AKAP19: variants seen among roughly 807,000 people sequenced by gnomAD.
The protein encoded by AKAP19 is A-kinase anchoring protein 19.
At chr2:190,048,443 A>G in the AKAP19 span, among the ~76,000 whole-genome samples, 1 of 152,182 alleles carries the variant, frequency 6.6e-6, no homozygotes, top group Non-Finnish European at 1.5e-5. Context: ...ATGTATATCC[A>G]ATCACTACTC....
the AKAP19 span, among the ~76,000 whole-genome samples, chr2:190,096,011 G>C: frequency 3.3e-5 from 5 of 152,214 alleles, no homozygotes; most frequent in Non-Finnish European, 7.3e-5. Flanking sequence ...GACCTCGGTG[G>C]TGTGGGTGGC....
chr2:190,059,892 G>T, the AKAP19 span, among the ~76,000 whole-genome samples: 1 of 151,884 alleles, frequency 6.6e-6, no homozygotes. Context: ...TGTTTCATAG[G>T]ATATGAAATT....
chr2:189,917,531 A>T, the AKAP19 span: 3 of 584,156 alleles, frequency 5.1e-6, no homozygotes, highest in Admixed American at 2.7e-5. Context: ...TCTTTTTTGC[A>T]CTTTGAAGAG....
At chr2:189,895,643 G>T in the AKAP19 span, among the ~76,000 whole-genome samples, 1 of 152,054 alleles carries the variant, frequency 6.6e-6, no homozygotes, top group African/African-American at 2.4e-5. Flanking sequence ...AAGCATCATG[G>T]GAAATAGGAT....
the AKAP19 span, among the ~76,000 whole-genome samples, chr2:189,945,961 C>T: frequency 6.6e-6 from 1 of 152,152 alleles, no homozygotes; most frequent in Non-Finnish European, 1.5e-5. Context: ...ATAGTTGCTA[C>T]TTGACACTTT....
At chr2:190,158,046 T>C in the AKAP19 span, among the ~76,000 whole-genome samples, 2 of 152,228 alleles carry the variant, frequency 1.3e-5, no homozygotes, top group Non-Finnish European at 2.9e-5. Context: ...TTCCAGGTAT[T>C]GTATAGAAGA....
chr2:190,040,426 C>CAG, the AKAP19 span, among the ~76,000 whole-genome samples: 1 of 152,128 alleles, frequency 6.6e-6, no homozygotes, highest in Non-Finnish European at 1.5e-5. Context: ...AGACTTTTGT[C>CAG]AGAAGCAGAG....
At chr2:190,164,499 C>T in the AKAP19 span, among the ~76,000 whole-genome samples, 1 of 152,098 alleles carries the variant, frequency 6.6e-6, no homozygotes, top group African/African-American at 2.4e-5. Context: ...CACTGTACTC[C>T]AGCCTGGGCA....
At chr2:189,913,083 T>C in the AKAP19 span, among the ~76,000 whole-genome samples, 1 of 152,162 alleles carries the variant, frequency 6.6e-6, no homozygotes, top group Admixed American at 6.5e-5. Context: ...CTTTACATGT[T>C]TTTCCTCATG....
At chr2:189,881,056 T>C in the AKAP19 span, among the ~76,000 whole-genome samples, 1 of 152,304 alleles carries the variant, frequency 6.6e-6, no homozygotes, top group Admixed American at 6.5e-5. Context: ...TCTAGTGCTC[T>C]ACTAGTTCCA....
At chr2:190,136,510 T>A in the AKAP19 span, among the ~76,000 whole-genome samples, 2 of 152,156 alleles carry the variant, frequency 1.3e-5, no homozygotes, top group African/African-American at 4.8e-5. Context: ...TGATCAAAGG[T>A]TGGTTTCTGG....
chr2:190,085,963 A>T, the AKAP19 span, among the ~76,000 whole-genome samples: 1 of 152,222 alleles, frequency 6.6e-6, no homozygotes, highest in African/African-American at 2.4e-5. Flanking sequence ...AAATAGCCAA[A>T]AAACAAACCT....
the AKAP19 span, among the ~76,000 whole-genome samples, chr2:189,906,539 ACTCTAGAATTTACACT>A: frequency 5.3e-5 from 8 of 152,062 alleles, no homozygotes; most frequent in Admixed American, 1.3e-4. Flanking sequence ...CTCAGTTTAC[ACTCTAGAATTTACACT>A]CTCTAGAATT....
chr2:190,019,855 T>C, the AKAP19 span, among the ~76,000 whole-genome samples: 1 of 152,280 alleles, frequency 6.6e-6, no homozygotes, highest in East Asian at 1.9e-4. Flanking sequence ...TGATGCCATT[T>C]TTCACTGGAT....
chr2:190,186,543 T>C, the AKAP19 span, among the ~76,000 whole-genome samples: 2 of 152,194 alleles, frequency 1.3e-5, no homozygotes, highest in African/African-American at 4.8e-5. The surrounding 1 kb of genome is among the most constrained non-coding windows in gnomAD (Gnocchi z 5.5). Context: ...GTGACCTTCA[T>C]ACTGACCAAA....
the AKAP19 span, among the ~76,000 whole-genome samples, chr2:190,011,967 T>G: frequency 0.97 from 146,889 of 150,876 alleles, 71,568 homozygotes; most frequent in East Asian, 1. Context: ...TTTTTTTTTT[T>G]AAAACTCACA....
chr2:189,950,849 AG>A, the AKAP19 span, among the ~76,000 whole-genome samples: 1 of 152,152 alleles, frequency 6.6e-6, no homozygotes, highest in Non-Finnish European at 1.5e-5. Flanking sequence ...CCTGTTAACT[AG>A]GTCCCTTCTT....
At chr2:190,162,208 G>A in the AKAP19 span, among the ~76,000 whole-genome samples, 1,089 of 152,192 alleles carry the variant, frequency 7.2e-3, 8 homozygotes, top group Middle Eastern at 0.02. Flanking sequence ...ATAGGAAATA[G>A]AGAAGTTATT....
the AKAP19 span, among the ~76,000 whole-genome samples, chr2:190,174,365 C>T: frequency 7.6e-3 from 1,160 of 152,324 alleles, 5 homozygotes; most frequent in Middle Eastern, 0.02. Flanking sequence ...ATCAGAGCAG[C>T]GCAGATTAAA....
Sources: allele counts gnomAD v4.1 joint callset (sites outside exome capture counted in the v4.1 genomes callset), GRCh38; gene constraint gnomAD v4.1.1; non-coding constraint Gnocchi (gnomAD v3.1); transcripts MANE v1.5; gene names NCBI Gene and HGNC (gene_info 2026-07-23, HGNC 2026-07-21).